NAALADL2: variants seen among roughly 807,000 people sequenced by gnomAD.
NAALADL2 encodes the protein inactive N-acetylated-alpha-linked acidic dipeptidase-like protein 2.
NAALADL2 carries 76 observed loss-of-function variants against 87.2 expected under a neutral mutation model. The ratio of observed to expected loss-of-function variants is 0.87; its 90% CI spans 0.72 to 1.05. The LOEUF (loss-of-function observed/expected upper bound fraction) is 1.05, where lower values mean the gene tolerates loss of function less well. NAALADL2 is among the 50% of genes least tolerant of loss of function. NAALADL2 has a pLI of 0.00. For synonymous variants in NAALADL2, 354 were observed against 331.0 expected, an observed-to-expected ratio of 1.07 and a Z score of -0.75; for missense variants, 1,089 against 945.8, an observed-to-expected ratio of 1.15 and a Z score of -1.99.
At position 175,674,130 on chromosome 3, in the gene NAALADL2, C is replaced by T. The variant is rs151253549; in HGVS notation, c.1896+46744C>T. On this transcript the variant is annotated intron_variant, in intron 11 of 13. Transcript: ENST00000454872. ...TAAGGTGTTAAAAATAGCATACTCA[C>T]TACATCCTCCTCTGAATCCCAAACC... 8.7e-3 allele frequency among the ~76,000 whole-genome samples: 1,321 copies of T among 152,194 alleles called. 11 individuals carry two copies. Among genetic ancestry groups the T allele is most frequent in the Middle Eastern group, 0.048 (14 of 294 alleles).
chr3:174,711,734 T>C (rs1005849833), intron 2 of NAALADL2, among the ~76,000 whole-genome samples: 2 of 152,212 alleles, frequency 1.3e-5, no homozygotes, highest in African/African-American at 4.8e-5. Flanking sequence ...GCTAATATTC[T>C]GCATGAGGTT....
At chr3:174,674,211 T>C (rs550699355) in intron 2 of NAALADL2, among the ~76,000 whole-genome samples, 18 of 151,814 alleles carry the variant, frequency 1.2e-4, no homozygotes, top group South Asian at 1.0e-3. Context: ...AACAACCAAA[T>C]CTCATGCGAA....
At chr3:175,654,101 G>A (rs1365815064) in intron 11 of NAALADL2, among the ~76,000 whole-genome samples, 1 of 152,164 alleles carries the variant, frequency 6.6e-6, no homozygotes, top group African/African-American at 2.4e-5. Context: ...AAGTCTAGGG[G>A]TTAGCGGCTT....
At chr3:175,678,668 G>A (rs1184143115) in intron 11 of NAALADL2, among the ~76,000 whole-genome samples, 1 of 152,104 alleles carries the variant, frequency 6.6e-6, no homozygotes, top group Non-Finnish European at 1.5e-5. Flanking sequence ...GGTGGGAATT[G>A]AACAATGAGA....
Position 175,755,320 on chromosome 3 carries a change from C to T in NAALADL2, c.2091C>T (p.Pro697=), listed in dbSNP as rs756011119. 5.0e-6 allele frequency: 8 copies of T among 1,613,352 alleles called. No homozygotes were observed. Among genetic ancestry groups the T allele is most frequent in the Non-Finnish European group, 6.8e-6 (8 of 1,179,728 alleles). Residue 697 remains proline, a synonymous_variant, in exon 13 of 14, where the codon CCC becomes CCT. Coordinates refer to ENST00000454872, the MANE Select transcript of NAALADL2 (RefSeq NM_207015.3). The part of the protein sequence containing the change: ...QSDEMRPAND[P]KERAPIRIRM... ...ATGAGATGCGACCTGCTAATGATCCCAAGGAGAGAGCACCCATCCGCATCC... is the reference window on the plus strand; with the variant it reads ...ATGAGATGCGACCTGCTAATGATCCTAAGGAGAGAGCACCCATCCGCATCC...
chr3:174,472,252 T>C (rs1385350464), intron 1 of NAALADL2, among the ~76,000 whole-genome samples: 1 of 152,240 alleles, frequency 6.6e-6, no homozygotes, highest in Non-Finnish European at 1.5e-5. Flanking sequence ...TACTATACCT[T>C]TTCCAGTTTA....
rs1014521606 is a variant in NAALADL2, at chr3:174,908,026, T to G, written c.43+48576T>G. 2.0e-3 allele frequency among the ~76,000 whole-genome samples: 193 copies of G among 97,174 alleles called. 3 individuals are homozygous for G. Among genetic ancestry groups the G allele is most frequent in the African/African-American group, 6.9e-3 (187 of 27,094 alleles). 63.7% of individuals were successfully genotyped at this position (97,174 alleles called of 152,430 possible). Reference sequence around the variant, plus strand: ...TTTTCGAAAGAGAGAAGTTGGTTTTTTTTTTTTTTTTTTTTTTTGGCCTGA... The same window carrying G: ...TTTTCGAAAGAGAGAAGTTGGTTTTGTTTTTTTTTTTTTTTTTTGGCCTGA... On this transcript the variant is annotated intron_variant, in intron 1 of 13. Transcript: ENST00000454872.
chr3:174,846,865 C>G (rs916834127), intron 3 of NAALADL2, among the ~76,000 whole-genome samples: 1 of 151,996 alleles, frequency 6.6e-6, no homozygotes, highest in African/African-American at 2.4e-5. Context: ...AGGAAGACCA[C>G]TATAGGAGAT....
chr3:174,790,067 C>G (rs1378929147), intron 3 of NAALADL2, among the ~76,000 whole-genome samples: 1 of 152,186 alleles, frequency 6.6e-6, no homozygotes, highest in Admixed American at 6.5e-5. Context: ...TCTTTCACCA[C>G]ACTCAAGGGA....
chr3:175,243,387 CTAGT>C (rs1318478523), intron 3 of NAALADL2, among the ~76,000 whole-genome samples: 1 of 151,798 alleles, frequency 6.6e-6, no homozygotes, highest in Non-Finnish European at 1.5e-5. Context: ...TTTATTTCAG[CTAGT>C]TAGTTTATTT....
rs1250386334 is a variant in NAALADL2, at chr3:175,361,331, G to A, written c.1090+37006G>A. Reference sequence around the variant, plus strand: ...GAATAGTGCTGTAATAAACATACATGTGCATGTGTCTTTATAGAAGCATGA... The same window carrying A: ...GAATAGTGCTGTAATAAACATACATATGCATGTGTCTTTATAGAAGCATGA... On this transcript the variant is annotated intron_variant, in intron 5 of 13. Coordinates refer to ENST00000454872, the MANE Select transcript of NAALADL2 (RefSeq NM_207015.3). Among the ~76,000 whole-genome samples the A allele has an allele frequency of 2.7e-5, 4 of 148,280 alleles. 1 individual carries two copies. Among genetic ancestry groups the A allele is most frequent in the Non-Finnish European group, 6.0e-5 (4 of 66,654 alleles).
At chr3:174,568,706 T>C (rs1182447290) in intron 2 of NAALADL2, among the ~76,000 whole-genome samples, 3 of 151,838 alleles carry the variant, frequency 2.0e-5, no homozygotes, top group Admixed American at 6.6e-5. Context: ...CCACTGAGAC[T>C]GTAAGTCCAT....
At chr3:175,618,295 G>T (rs1389570616) in intron 10 of NAALADL2, among the ~76,000 whole-genome samples, 8 of 152,156 alleles carry the variant, frequency 5.3e-5, no homozygotes, top group African/African-American at 1.9e-4. Context: ...TGTAGGAGCA[G>T]AAGTGAGGTC....
intron 5 of NAALADL2, among the ~76,000 whole-genome samples, chr3:175,396,483 C>T (rs913095758): frequency 5.9e-5 from 9 of 152,014 alleles, no homozygotes; most frequent in African/African-American, 2.2e-4. Context: ...TGTGAATTTC[C>T]ACTGGGACCT....
intron 3 of NAALADL2, among the ~76,000 whole-genome samples, chr3:174,818,017 TG>T (rs2109319828): frequency 6.6e-6 from 1 of 152,312 alleles, no homozygotes; most frequent in East Asian, 1.9e-4. Context: ...TGCAACCCGC[TG>T]GGCTTTCTTC....
rs114595653 is a variant in NAALADL2 at position 175,557,778 on chromosome 3, C to T, written c.1654-18263C>T. On this transcript the variant is annotated intron_variant, in intron 9 of 13. Transcript: ENST00000454872. ...TGTTTTTGCCTGACTTTTGGATAAC[C>T]GCCATTTTACCTAAGGTGATATGAT... 9.4e-3 allele frequency among the ~76,000 whole-genome samples: 1,436 copies of T among 152,206 alleles called. 29 individuals carry two copies. Among genetic ancestry groups the T allele is most frequent in the African/African-American group, 0.033 (1,364 of 41,524 alleles).
rs536969312 is a variant in NAALADL2 at position 174,966,208 on chromosome 3, G to T, written c.43+106758G>T. ...CTTTTCTGCATAAATTAAGCTCTAGGTCAAAAACTTTGTTTCTCCTTGATC... is the reference window on the plus strand; with the variant it reads ...CTTTTCTGCATAAATTAAGCTCTAGTTCAAAAACTTTGTTTCTCCTTGATC... On this transcript the variant is annotated intron_variant, in intron 1 of 13. Transcript: ENST00000454872. Among the ~76,000 whole-genome samples, 19 of 152,142 alleles carry T rather than the reference G, an allele frequency of 1.2e-4. 1 individual carries two copies. The South Asian group carries it at 3.9e-3, about 32-fold the overall frequency.
At chr3:174,908,152 G>A (rs1463487537) in intron 1 of NAALADL2, among the ~76,000 whole-genome samples, 1 of 150,804 alleles carries the variant, frequency 6.6e-6, no homozygotes, top group East Asian at 2.0e-4. Flanking sequence ...TACCTCTCTG[G>A]TTGCACTTGG....
intron 9 of NAALADL2, among the ~76,000 whole-genome samples, chr3:175,547,040 A>G (rs942807016): frequency 6.6e-6 from 1 of 152,144 alleles, no homozygotes; most frequent in Non-Finnish European, 1.5e-5. Context: ...ACTACCATTG[A>G]CATTCTACAC....
Sources: allele counts gnomAD v4.1 joint callset (sites outside exome capture counted in the v4.1 genomes callset), GRCh38; gene constraint gnomAD v4.1.1; transcripts MANE v1.5; gene names NCBI Gene and HGNC (gene_info 2026-07-23, HGNC 2026-07-21).